SMOC1: variants seen among roughly 807,000 people sequenced by gnomAD.
SMOC1 encodes SPARC-related modular calcium-binding protein 1.
A neutral mutation model predicts 56.3 loss-of-function variants in SMOC1; 22 were observed. That is an observed-to-expected ratio of 0.39 (90% confidence interval 0.28 to 0.56). The LOEUF (loss-of-function observed/expected upper bound fraction) is 0.56, where lower values mean the gene tolerates loss of function less well. Ranked by LOEUF, SMOC1 falls within the 20% of genes least tolerant of loss-of-function variation. The pLI, the probability that SMOC1 is intolerant of heterozygous loss-of-function variation, is 0.61. For missense variants in SMOC1, 509 were observed against 565.4 expected, an observed-to-expected ratio of 0.90 and a Z score of 1.01; for synonymous variants, 193 against 215.0, an observed-to-expected ratio of 0.90 and a Z score of 0.89.
At chr14:69,902,787 T>C (rs2139328769) in intron 1 of SMOC1, among the ~76,000 whole-genome samples, 1 of 152,292 alleles carries the variant, frequency 6.6e-6, no homozygotes, top group East Asian at 1.9e-4. Context: ...TGACTGGTTT[T>C]CGTATTTTTT....
At chr14:69,960,276 G>A (rs1883325395) in intron 3 of SMOC1, among the ~76,000 whole-genome samples, 1 of 152,138 alleles carries the variant, frequency 6.6e-6, no homozygotes, top group Non-Finnish European at 1.5e-5. Context: ...CAACAGTTTG[G>A]CTCTCTCAGA....
At chr14:69,929,444 C>A (rs958937358) in intron 1 of SMOC1, among the ~76,000 whole-genome samples, 15 of 152,194 alleles carry the variant, frequency 9.9e-5, no homozygotes, top group Non-Finnish European at 1.6e-4. Context: ...AGTGACTTGC[C>A]TAAGGTCATG....
At chr14:69,987,174 C>T (rs1594840380) in intron 5 of SMOC1, among the ~76,000 whole-genome samples, 1 of 152,178 alleles carries the variant, frequency 6.6e-6, no homozygotes, top group Non-Finnish European at 1.5e-5. Context: ...AAAGCAAGAA[C>T]CTTCGAGCAC....
chr14:69,879,857 G>T, intron 1 of SMOC1, 80 bp downstream of exon 1: 1 of 1,291,348 alleles, frequency 7.7e-7, no homozygotes, highest in Non-Finnish European at 1.1e-6. Flanking sequence ...GGAAGGAGGA[G>T]GGGGAAGAGA....
chr14:69,965,711 A>G (rs953621072), intron 3 of SMOC1, among the ~76,000 whole-genome samples: 1 of 152,172 alleles, frequency 6.6e-6, no homozygotes, highest in African/African-American at 2.4e-5. Flanking sequence ...AGGGGGTTCA[A>G]TTGATCTCTG....
At chr14:69,986,710 G>A (rs925960481) in intron 5 of SMOC1, among the ~76,000 whole-genome samples, 5 of 152,090 alleles carry the variant, frequency 3.3e-5, no homozygotes, top group African/African-American at 4.8e-5. Flanking sequence ...TTCCTCTTCT[G>A]TCCCCAGTTT....
intron 1 of SMOC1, among the ~76,000 whole-genome samples, chr14:69,886,484 G>T (rs1852331694): frequency 6.6e-6 from 1 of 152,154 alleles, no homozygotes. Flanking sequence ...TTACAAACTG[G>T]CTTTTCCATT....
At chr14:69,933,674 C>T (rs764954697) in intron 1 of SMOC1, among the ~76,000 whole-genome samples, 8 of 152,174 alleles carry the variant, frequency 5.3e-5, no homozygotes, top group South Asian at 2.1e-4. Context: ...CACACCACCA[C>T]GCCTGGCTTA....
chr14:69,966,042 C>T (rs982451975), intron 3 of SMOC1, among the ~76,000 whole-genome samples: 3 of 152,066 alleles, frequency 2.0e-5, no homozygotes, highest in African/African-American at 7.2e-5. Context: ...TGAAGTCAGA[C>T]AGGAGAACAA....
At chr14:69,970,073 A>T (rs1883703877) in intron 3 of SMOC1, among the ~76,000 whole-genome samples, 1 of 152,004 alleles carries the variant, frequency 6.6e-6, no homozygotes, top group East Asian at 1.9e-4. Context: ...TGCCATAGAA[A>T]CCACCAGAGA....
At position 69,963,417 on chromosome 14, in the gene SMOC1, C is replaced by T. The variant is rs12878049; in HGVS notation, c.378+9885C>T. ...TTGTATATCTCTAAGAGCTTTCAGT[C>T]TCTGACAGGCCAATACTTCTTTGAA... On this transcript the variant is annotated intron_variant, in intron 3 of 11. Coordinates refer to ENST00000361956, the MANE Select transcript of SMOC1 (RefSeq NM_001034852.3). Among the ~76,000 whole-genome samples, 293 of 152,256 alleles carry T rather than the reference C, an allele frequency of 1.9e-3. 1 individual carries two copies. Among genetic ancestry groups the T allele is most frequent in the Non-Finnish European group, 3.6e-3 (243 of 68,020 alleles).
chr14:69,963,233 G>A (rs1006065268), intron 3 of SMOC1, among the ~76,000 whole-genome samples: 2 of 152,134 alleles, frequency 1.3e-5, no homozygotes, highest in African/African-American at 4.8e-5. Flanking sequence ...AGAGCATCTA[G>A]TAGGGGGAAT....
intron 1 of SMOC1, among the ~76,000 whole-genome samples, chr14:69,903,054 G>A (rs1260142540): frequency 6.6e-6 from 1 of 152,170 alleles, no homozygotes; most frequent in Admixed American, 6.5e-5. Flanking sequence ...TCTGGGAAGT[G>A]AGGAGCGTCT....
rs1566703800 is a variant in SMOC1, at chr14:69,995,905, C to T, written c.664+1425C>T. Among the ~76,000 whole-genome samples the T allele has an allele frequency of 2.0e-5, 3 of 152,142 alleles. No homozygotes were observed. The East Asian group carries it at 5.8e-4, about 29-fold the overall frequency. ...TTCTTCTTAGGACCCCCTCTATTCC[C>T]CTTTCCCTGTTAGGCAAATATAAAT... On this transcript the variant is annotated intron_variant, in intron 7 of 11. Coordinates refer to ENST00000361956, the MANE Select transcript of SMOC1 (RefSeq NM_001034852.3).
intron 1 of SMOC1, among the ~76,000 whole-genome samples, chr14:69,882,168 T>TG (rs1883659093): frequency 6.6e-6 from 1 of 152,196 alleles, no homozygotes; most frequent in African/African-American, 2.4e-5. Flanking sequence ...TATGGCTTAT[T>TG]GGGGGCCTCA....
chr14:69,887,193 TATG>T, intron 1 of SMOC1, among the ~76,000 whole-genome samples: 1 of 152,140 alleles, frequency 6.6e-6, no homozygotes, highest in East Asian at 1.9e-4. Flanking sequence ...ATCTTGGCAA[TATG>T]ATATTAAGTG....
chr14:70,023,433 G>A lies in SMOC1; in HGVS notation c.1277G>A (p.Gly426Asp). ...CTGCCTGAGCTGAAGGGCTGCCTGG[G>A]TGTTAGCAAAGAAGGTGAGTGCTCT... Reference protein sequence around the residue: ...ISLPELKGCLGVSKEVGRLV With the variant: ...ISLPELKGCLDVSKEVGRLV Residue 426 changes from glycine (G) to aspartate (D), a missense_variant, in exon 11 of 12, where the codon GGT (glycine) becomes GAT (aspartate). Around this residue, in one of 3 missense-constraint regions of SMOC1, gnomAD observed 176 missense variants for 188.1 expected, o/e 0.94. Coordinates refer to ENST00000361956, the MANE Select transcript of SMOC1 (RefSeq NM_001034852.3). 6.2e-7 allele frequency: 1 copy of A among 1,613,934 alleles called. No individual in the cohort carries two copies. The highest frequency in any genetic ancestry group is 2.2e-5 in the East Asian group (1 of 44,888).
At chr14:69,948,519 C>T (rs1390062671) in intron 1 of SMOC1, among the ~76,000 whole-genome samples, 1 of 152,102 alleles carries the variant, frequency 6.6e-6, no homozygotes, top group Admixed American at 6.6e-5. Flanking sequence ...GCTGTGGCCT[C>T]TCTCTCAGTG....
At chr14:70,013,842 G>A (rs969815105) in intron 10 of SMOC1, among the ~76,000 whole-genome samples, 18 of 152,324 alleles carry the variant, frequency 1.2e-4, no homozygotes, top group African/African-American at 4.3e-4. Context: ...ATGGGAACAG[G>A]GAGGCAGAGA....
Sources: allele counts gnomAD v4.1 joint callset (sites outside exome capture counted in the v4.1 genomes callset), GRCh38; gene constraint gnomAD v4.1.1; regional missense constraint gnomAD v4.1.1; transcripts MANE v1.5; gene names NCBI Gene and HGNC (gene_info 2026-07-23, HGNC 2026-07-21).